TMEM132B: variants seen among roughly 807,000 people sequenced by gnomAD.
The protein encoded by TMEM132B is transmembrane protein 132B.
A neutral mutation model predicts 90.8 loss-of-function variants in TMEM132B; 18 were observed. The ratio of observed to expected loss-of-function variants is 0.20; its 90% CI spans 0.14 to 0.29. The LOEUF (loss-of-function observed/expected upper bound fraction) is 0.29. TMEM132B is among the 10% of genes least tolerant of loss of function. The pLI, the probability that TMEM132B is intolerant of heterozygous loss-of-function variation, is 1.00. For synonymous variants in TMEM132B, 504 were observed against 523.3 expected (o/e 0.96, Z 0.50); for missense variants, 1,096 against 1,326.8 (o/e 0.83, Z 2.70).
intron 1 of TMEM132B, among the ~76,000 whole-genome samples, chr12:125,265,956 T>C (rs1057193668): frequency 6.6e-6 from 1 of 151,878 alleles, no homozygotes. Context: ...AGGCCAGGCG[T>C]GGTGGCTCAC....
intron 3 of TMEM132B, among the ~76,000 whole-genome samples, chr12:125,473,815 C>T (rs1444431263): frequency 6.6e-6 from 1 of 152,158 alleles, no homozygotes; most frequent in Non-Finnish European, 1.5e-5. Flanking sequence ...CCAAAAACTT[C>T]CTGTTGAAGG....
At chr12:125,314,025 C>T (rs1292914153) in intron 1 of TMEM132B, among the ~76,000 whole-genome samples, 1 of 151,988 alleles carries the variant, frequency 6.6e-6, no homozygotes, top group African/African-American at 2.4e-5. Flanking sequence ...ATCATCATCC[C>T]CAGGATCAGT....
At chr12:125,541,678 A>C (rs1057245894) in intron 4 of TMEM132B, among the ~76,000 whole-genome samples, 10 of 151,876 alleles carry the variant, frequency 6.6e-5, no homozygotes, top group African/African-American at 2.4e-4. Context: ...GACTTCCTCA[A>C]ATCAAGGGAG....
intron 3 of TMEM132B, among the ~76,000 whole-genome samples, chr12:125,516,128 A>T (rs750199579): frequency 6.8e-6 from 1 of 147,726 alleles, no homozygotes; most frequent in Non-Finnish European, 1.5e-5. Flanking sequence ...CACTATCGCA[A>T]TCTCACACAC....
chr12:125,451,343 GA>G (rs1225458622), intron 3 of TMEM132B, among the ~76,000 whole-genome samples: 2 of 152,222 alleles, frequency 1.3e-5, no homozygotes, highest in East Asian at 1.9e-4. Context: ...AGATGGTTCA[GA>G]AAAAGTACAA....
chr12:125,202,095 T>C (rs1873076576), intron 1 of TMEM132B, among the ~76,000 whole-genome samples: 1 of 152,152 alleles, frequency 6.6e-6, no homozygotes, highest in Admixed American at 6.5e-5. Flanking sequence ...ACACAACCAA[T>C]CAGAACGTCC....
At position 125,349,546 on chromosome 12, in the gene TMEM132B, G is replaced by A; in HGVS notation, c.162G>A (p.Glu54=). 1 of 1,614,158 alleles carries A rather than the reference G, an allele frequency of 6.2e-7. No individual in the cohort carries two copies. The highest frequency in any genetic ancestry group is 8.5e-7 in the Non-Finnish European group (1 of 1,180,044). Residue 54 remains glutamate, a synonymous_variant, in exon 2 of 9, where the codon GAG becomes GAA. Coordinates refer to ENST00000682704, the MANE Select transcript of TMEM132B (RefSeq NM_001366854.1). This position sits in a 1 kb window ranked among gnomAD's most constrained non-coding sequence, Gnocchi z 4.1. Reference sequence around the variant, plus strand: ...ACTTGCACATCTCCAATGCAGAGGAGTCCTTTTTCCTTAAAGAAGCCAACC... The same window carrying A: ...ACTTGCACATCTCCAATGCAGAGGAATCCTTTTTCCTTAAAGAAGCCAACC... ...PTNLHISNAE[E]SFFLKEANQD...
chr12:125,593,532 G>A (rs1443127430), intron 5 of TMEM132B, among the ~76,000 whole-genome samples: 2 of 152,156 alleles, frequency 1.3e-5, no homozygotes, highest in Non-Finnish European at 2.9e-5. Context: ...TAGGTCTGAG[G>A]TTAGGGGATT....
intron 4 of TMEM132B, among the ~76,000 whole-genome samples, chr12:125,526,166 CTGCCTTG>C (rs1390322425): frequency 6.6e-6 from 1 of 152,292 alleles, no homozygotes; most frequent in East Asian, 1.9e-4. Context: ...TCTGGGCCTC[CTGCCTTG>C]TGACACAGTA....
intron 2 of TMEM132B, among the ~76,000 whole-genome samples, chr12:125,392,265 G>A (rs187765503): frequency 9.8e-4 from 149 of 152,232 alleles, no homozygotes; most frequent in Non-Finnish European, 1.9e-3. Flanking sequence ...CTGAAGGCTG[G>A]AAGCTAGTTT....
chr12:125,377,807 A>T (rs949131889), intron 2 of TMEM132B, among the ~76,000 whole-genome samples: 3 of 152,178 alleles, frequency 2.0e-5, no homozygotes, highest in South Asian at 2.1e-4. Flanking sequence ...GCTGCTTGCT[A>T]TGGGTTCACT....
chr12:125,311,736 C>T (rs1369114955), intron 1 of TMEM132B, among the ~76,000 whole-genome samples: 2 of 152,308 alleles, frequency 1.3e-5, no homozygotes, highest in East Asian at 1.9e-4. Flanking sequence ...ACAGGGCAGA[C>T]AGCGGGCAGG....
At chr12:125,453,707 C>A (rs1881216371) in intron 3 of TMEM132B, among the ~76,000 whole-genome samples, 1 of 152,322 alleles carries the variant, frequency 6.6e-6, no homozygotes. Context: ...GTGATCCAGT[C>A]AGTGTGAGAG....
intron 2 of TMEM132B, among the ~76,000 whole-genome samples, chr12:125,387,780 T>G (rs1183550928): frequency 6.6e-6 from 1 of 152,168 alleles, no homozygotes; most frequent in Non-Finnish European, 1.5e-5. Flanking sequence ...ATCCTCCTGT[T>G]TATTAATTTA....
At chr12:125,223,967 G>A (rs1245727231) in intron 1 of TMEM132B, among the ~76,000 whole-genome samples, 2 of 152,088 alleles carry the variant, frequency 1.3e-5, no homozygotes, top group Non-Finnish European at 2.9e-5. Flanking sequence ...AGTAGAGAAG[G>A]GGTTTCGCCA....
chr12:125,400,283 A>G (rs959327595), intron 2 of TMEM132B, among the ~76,000 whole-genome samples: 1 of 152,262 alleles, frequency 6.6e-6, no homozygotes, highest in Non-Finnish European at 1.5e-5. Flanking sequence ...AAACTGAGCA[A>G]TGAGACGGGA....
At chr12:125,463,878 CTT>C (rs966520456) in intron 3 of TMEM132B, among the ~76,000 whole-genome samples, 1 of 152,152 alleles carries the variant, frequency 6.6e-6, no homozygotes, top group Non-Finnish European at 1.5e-5. Flanking sequence ...CCTCAGGAAA[CTT>C]AGAATCATGG....
At chr12:125,621,661 A>C (rs922571316) in intron 5 of TMEM132B, among the ~76,000 whole-genome samples, 2 of 152,178 alleles carry the variant, frequency 1.3e-5, no homozygotes, top group Non-Finnish European at 2.9e-5. Flanking sequence ...CCCTTGAGTA[A>C]CAACTATGAC....
intron 1 of TMEM132B, among the ~76,000 whole-genome samples, chr12:125,226,483 T>G (rs1873684290): frequency 6.6e-6 from 1 of 152,194 alleles, no homozygotes; most frequent in Non-Finnish European, 1.5e-5. Flanking sequence ...TCTGTCCCAT[T>G]TTGTAGATGA....
Sources: allele counts gnomAD v4.1 joint callset (sites outside exome capture counted in the v4.1 genomes callset), GRCh38; gene constraint gnomAD v4.1.1; non-coding constraint Gnocchi (gnomAD v3.1); transcripts MANE v1.5; gene names NCBI Gene and HGNC (gene_info 2026-07-23, HGNC 2026-07-21).